Variants in NPAS3 observed in about 807,000 individuals in gnomAD.
The protein encoded by NPAS3 is neuronal PAS domain-containing protein 3.
Under a neutral mutation model 73.1 loss-of-function variants are expected in NPAS3, and 14 were observed. The ratio of observed to expected loss-of-function variants is 0.19; its 90% CI spans 0.13 to 0.30. The LOEUF (loss-of-function observed/expected upper bound fraction) is 0.30, where lower values mean the gene tolerates loss of function less well. Among genes scored for constraint, NPAS3 ranks in the 10% least tolerant of loss-of-function variants. The probability of loss-of-function intolerance (pLI) is 1.00; values close to 1 mark genes in which losing one functional copy is unlikely to be tolerated. For missense variants in NPAS3, 1,096 were observed against 1,250.0 expected, an observed-to-expected ratio of 0.88 and a Z score of 1.86; for synonymous variants, 620 against 541.5, an observed-to-expected ratio of 1.14 and a Z score of -2.01.
At chr14:33,314,629 C>A (rs943898588) in intron 3 of NPAS3, among the ~76,000 whole-genome samples, 1 of 151,924 alleles carries the variant, frequency 6.6e-6, no homozygotes, top group Non-Finnish European at 1.5e-5. Context: ...AGAATATTAT[C>A]GATCCATATA....
At chr14:33,552,428 G>C (rs1595139883) in intron 4 of NPAS3, among the ~76,000 whole-genome samples, 1 of 152,268 alleles carries the variant, frequency 6.6e-6, no homozygotes, top group African/African-American at 2.4e-5. Context: ...TCACATGTGA[G>C]CTATGTAATG....
chr14:33,571,867 CA>C (rs2056229971), intron 5 of NPAS3, among the ~76,000 whole-genome samples: 1 of 152,154 alleles, frequency 6.6e-6, no homozygotes, highest in Non-Finnish European at 1.5e-5. Flanking sequence ...TATACAAAAA[CA>C]AGGGTACTGA....
At chr14:33,159,711 G>A (rs927484652) in intron 2 of NPAS3, among the ~76,000 whole-genome samples, 2 of 151,888 alleles carry the variant, frequency 1.3e-5, no homozygotes, top group Non-Finnish European at 2.9e-5. Flanking sequence ...CCACCACCAT[G>A]CCCGGCTTAT....
At chr14:33,290,205 T>A (rs2042045457) in intron 3 of NPAS3, among the ~76,000 whole-genome samples, 1 of 152,224 alleles carries the variant, frequency 6.6e-6, no homozygotes, top group Non-Finnish European at 1.5e-5. Flanking sequence ...GTTTATGTAA[T>A]ATTCACAGTT....
rs147349692 is a variant in NPAS3 at position 33,756,852 on chromosome 14, T to A, written c.853-17485T>A. On this transcript the variant is annotated intron_variant, in intron 7 of 11. Transcript: ENST00000356141. Reference sequence around the variant, plus strand: ...GCAGAGACAGCAAGAGAGCAATCCCTGGTAGTACATACCTAGGTGCTGATT... The same window carrying A: ...GCAGAGACAGCAAGAGAGCAATCCCAGGTAGTACATACCTAGGTGCTGATT... Among the ~76,000 whole-genome samples the A allele has an allele frequency of 1.9e-3, 288 of 152,294 alleles. 1 individual carries two copies. The highest frequency in any genetic ancestry group is 1.9e-3 in the Non-Finnish European group (129 of 68,008).
chr14:33,465,697 A>G (rs2050476151), intron 4 of NPAS3, among the ~76,000 whole-genome samples: 1 of 151,502 alleles, frequency 6.6e-6, no homozygotes. Flanking sequence ...ACTTCTATAT[A>G]CTAAATAAAA....
intron 5 of NPAS3, among the ~76,000 whole-genome samples, chr14:33,672,027 A>G (rs1254684674): frequency 1.3e-5 from 2 of 152,198 alleles, no homozygotes; most frequent in East Asian, 3.8e-4. Context: ...ATATCAAGGG[A>G]TAGTTAAGAA....
chr14:33,716,599 C>T (rs1205195431), intron 6 of NPAS3, among the ~76,000 whole-genome samples: 1 of 152,160 alleles, frequency 6.6e-6, no homozygotes, highest in Non-Finnish European at 1.5e-5. Flanking sequence ...AAACCGAAAC[C>T]CTGTACCCAT....
intron 5 of NPAS3, among the ~76,000 whole-genome samples, chr14:33,579,288 A>G (rs1035952958): frequency 2.0e-5 from 3 of 152,238 alleles, no homozygotes; most frequent in Non-Finnish European, 4.4e-5. Context: ...ACCAAAATAA[A>G]TAAAGAAATG....
At chr14:33,070,940 C>G (rs888743004) in intron 2 of NPAS3, among the ~76,000 whole-genome samples, 4 of 152,130 alleles carry the variant, frequency 2.6e-5, no homozygotes, top group African/African-American at 4.8e-5. Flanking sequence ...GGTTCAGAAA[C>G]CTTTTTCTAA....
intron 2 of NPAS3, among the ~76,000 whole-genome samples, chr14:33,118,253 C>T (rs1389644952): frequency 6.6e-6 from 1 of 151,682 alleles, no homozygotes; most frequent in African/African-American, 2.4e-5. Flanking sequence ...GTAGTATCAA[C>T]AAGTATCTTT....
At chr14:33,292,624 T>G (rs1004489521) in intron 3 of NPAS3, among the ~76,000 whole-genome samples, 1 of 152,160 alleles carries the variant, frequency 6.6e-6, no homozygotes, top group African/African-American at 2.4e-5. Context: ...TTTTTGTTAT[T>G]TTTTTAAAGC....
intron 1 of NPAS3, among the ~76,000 whole-genome samples, chr14:33,010,118 T>C (rs1328674622): frequency 6.6e-6 from 1 of 152,210 alleles, no homozygotes; most frequent in African/African-American, 2.4e-5. Context: ...TAAAATGTTA[T>C]CATCTCATCA....
At chr14:33,447,643 G>A (rs886900919) in intron 4 of NPAS3, among the ~76,000 whole-genome samples, 2 of 152,182 alleles carry the variant, frequency 1.3e-5, no homozygotes, top group Non-Finnish European at 2.9e-5. Context: ...GCTGGGCAAA[G>A]TGGCACATAC....
intron 5 of NPAS3, among the ~76,000 whole-genome samples, chr14:33,600,011 A>T (rs1341344615): frequency 2.0e-5 from 3 of 152,210 alleles, no homozygotes; most frequent in African/African-American, 7.2e-5. Context: ...TTACTTTGTA[A>T]GGTCTTGTGC....
chr14:33,034,406 A>G (rs2040094742), intron 1 of NPAS3, among the ~76,000 whole-genome samples: 1 of 151,902 alleles, frequency 6.6e-6, no homozygotes, highest in African/African-American at 2.4e-5. Flanking sequence ...AACTTGGTAC[A>G]CTCAGCTAAA....
intron 4 of NPAS3, among the ~76,000 whole-genome samples, chr14:33,416,301 G>GA (rs1193403568): frequency 6.6e-6 from 1 of 151,644 alleles, no homozygotes; most frequent in Non-Finnish European, 1.5e-5. Flanking sequence ...TCTCTAAAGG[G>GA]AAAAAAAATA....
chr14:33,682,706 T>C (rs911042206), intron 6 of NPAS3, among the ~76,000 whole-genome samples: 3 of 152,268 alleles, frequency 2.0e-5, no homozygotes, highest in Admixed American at 1.3e-4. Flanking sequence ...TTTTTTCTGG[T>C]ATGCAAGGCC....
intron 3 of NPAS3, among the ~76,000 whole-genome samples, chr14:33,282,291 T>C (rs1193591320): frequency 6.6e-6 from 1 of 152,240 alleles, no homozygotes; most frequent in Non-Finnish European, 1.5e-5. Context: ...GGTGTAGTAA[T>C]TAAACTGTCT....
Sources: gnomAD v4.1 joint callset for allele counts (sites outside exome capture counted in the v4.1 genomes callset) on GRCh38, gnomAD v4.1.1 for gene constraint, MANE v1.5 for transcripts, NCBI Gene and HGNC (gene_info 2026-07-23, HGNC 2026-07-21) for gene names.